The following THSD7B variants were observed in gnomAD, a reference collection of about 807,000 sequenced individuals.
THSD7B encodes thrombospondin type-1 domain-containing protein 7B.
A neutral mutation model predicts 213.6 loss-of-function variants in THSD7B; 138 were observed. The observed-to-expected ratio is 0.65, with a 90% CI of 0.56 to 0.74. The LOEUF (loss-of-function observed/expected upper bound fraction) is 0.74, where lower values mean the gene tolerates loss of function less well. Ranked by LOEUF, THSD7B falls within the 30% of genes least tolerant of loss-of-function variation. The pLI is 0.00. For missense variants in THSD7B, 1,931 were observed against 1,991.5 expected, an observed-to-expected ratio of 0.97 and a Z score of 0.58; for synonymous variants, 742 against 687.0, an observed-to-expected ratio of 1.08 and a Z score of -1.25.
chr2:137,274,255 G>T (rs1682819027), intron 11 of THSD7B, among the ~76,000 whole-genome samples: 1 of 152,038 alleles, frequency 6.6e-6, no homozygotes, highest in African/African-American at 2.4e-5. Flanking sequence ...GGTATGTTAG[G>T]GAGGAAGTTG....
At chr2:136,795,366 T>C (rs1682042831) in intron 1 of THSD7B, among the ~76,000 whole-genome samples, 1 of 152,036 alleles carries the variant, frequency 6.6e-6, no homozygotes, top group South Asian at 2.1e-4. Context: ...ATGCTGACTC[T>C]CTTGCATTCC....
chr2:137,638,405 C>A (rs1012210872), intron 20 of THSD7B, among the ~76,000 whole-genome samples: 1 of 152,162 alleles, frequency 6.6e-6, no homozygotes, highest in Non-Finnish European at 1.5e-5. Context: ...GTAAGAAGTG[C>A]CTTTCACCTC....
In THSD7B at chr2:137,146,598, A is replaced by T. The variant is rs16838245; in HGVS notation, c.1370-13615A>T. Among the ~76,000 whole-genome samples, 1,055 of 152,278 alleles carry T rather than the reference A, an allele frequency of 6.9e-3. 9 individuals are homozygous for T. Among genetic ancestry groups the T allele is most frequent in the African/African-American group, 0.024 (998 of 41,574 alleles). On this transcript the variant is annotated intron_variant, in intron 5 of 27. Transcript: ENST00000409968. ...TTGCTTAGTACATCAATTGTTCAAT[A>T]TGTGATCTAGTCCAAGCATTCTCAG...
intron 15 of THSD7B, among the ~76,000 whole-genome samples, chr2:137,553,493 A>G (rs939846836): frequency 1.3e-5 from 2 of 152,154 alleles, no homozygotes; most frequent in African/African-American, 4.8e-5. Context: ...TAAATATTAA[A>G]AGACTGACTC....
intron 14 of THSD7B, among the ~76,000 whole-genome samples, chr2:137,414,774 G>C (rs1379339574): frequency 6.6e-6 from 1 of 151,918 alleles, no homozygotes; most frequent in Non-Finnish European, 1.5e-5. Flanking sequence ...TTATATTATA[G>C]GTTAGGTGCA....
At chr2:137,141,324 AATTT>A (rs1486373154) in intron 5 of THSD7B, among the ~76,000 whole-genome samples, 1 of 152,116 alleles carries the variant, frequency 6.6e-6, no homozygotes, top group Non-Finnish European at 1.5e-5. Flanking sequence ...TTCTGTAGAG[AATTT>A]ATAACAAAAC....
At chr2:136,801,250 A>C (rs1682173444) in intron 1 of THSD7B, among the ~76,000 whole-genome samples, 1 of 152,114 alleles carries the variant, frequency 6.6e-6, no homozygotes, top group Non-Finnish European at 1.5e-5. Context: ...TTTCTGTTAA[A>C]ATTTCTCACT....
intron 12 of THSD7B, among the ~76,000 whole-genome samples, chr2:137,387,660 A>G (rs1173669742): frequency 5.3e-5 from 8 of 152,170 alleles, no homozygotes; most frequent in Non-Finnish European, 8.8e-5. Flanking sequence ...GAACCAAAAA[A>G]GAAATATTTT....
chr2:137,249,805 T>C (rs1349899055), intron 10 of THSD7B, among the ~76,000 whole-genome samples: 1 of 152,240 alleles, frequency 6.6e-6, no homozygotes, highest in Non-Finnish European at 1.5e-5. Context: ...GCTACATCCA[T>C]AGGCACAGAT....
intron 1 of THSD7B, among the ~76,000 whole-genome samples, chr2:136,838,966 T>C (rs1220863417): frequency 6.6e-6 from 1 of 152,218 alleles, no homozygotes; most frequent in Non-Finnish European, 1.5e-5. Context: ...AAGGAGGATA[T>C]TAGGACCTCT....
Position 137,586,298 on chromosome 2 carries a change from G to T in THSD7B, c.3423+13742G>T, listed in dbSNP as rs1300475412. Among the ~76,000 whole-genome samples the T allele has an allele frequency of 2.6e-5, 4 of 152,246 alleles. No individual in the cohort carries two copies. The East Asian group carries it at 7.7e-4, about 29-fold the overall frequency. Reference sequence around the variant, plus strand: ...TCTTGACACTTTATCCAATTTGCCAGTCTGTGTCTTTTAACTGGAGTATTT... The same window carrying T: ...TCTTGACACTTTATCCAATTTGCCATTCTGTGTCTTTTAACTGGAGTATTT... On this transcript the variant is annotated intron_variant, in intron 17 of 27. Coordinates refer to ENST00000409968, the MANE Select transcript of THSD7B (RefSeq NM_001316349.2).
intron 15 of THSD7B, among the ~76,000 whole-genome samples, chr2:137,459,329 A>G (rs1014059781): frequency 6.6e-6 from 1 of 152,194 alleles, no homozygotes; most frequent in Non-Finnish European, 1.5e-5. Context: ...GCAGAAAAAC[A>G]TTTGTTAAAA....
At chr2:137,211,365 C>CACACACACACAGA (rs11274625) in intron 7 of THSD7B, among the ~76,000 whole-genome samples, 1 of 89,484 alleles carries the variant, frequency 1.1e-5, no homozygotes, top group Non-Finnish European at 2.7e-5. Context: ...CACACACACA[C>CACACACACACAGA]GGAATATATT....
At chr2:137,131,206 A>G (rs538500928) in intron 5 of THSD7B, among the ~76,000 whole-genome samples, 2,886 of 147,292 alleles carry the variant, frequency 0.02, 106 homozygotes, top group African/African-American at 0.067. Flanking sequence ...CATGTCCTTC[A>G]CCCACTTTTT....
At chr2:137,299,538 A>G (rs942812750) in intron 12 of THSD7B, among the ~76,000 whole-genome samples, 6 of 152,046 alleles carry the variant, frequency 3.9e-5, no homozygotes, top group African/African-American at 1.4e-4. Context: ...TTCAACTTGA[A>G]TTTTATTTCC....
intron 1 of THSD7B, among the ~76,000 whole-genome samples, chr2:136,849,649 A>G (rs951291703): frequency 6.6e-6 from 1 of 152,116 alleles, no homozygotes; most frequent in Admixed American, 6.5e-5. Context: ...CAGTAAATAT[A>G]GCCTTGATCT....
intron 1 of THSD7B, among the ~76,000 whole-genome samples, chr2:136,829,987 A>G (rs1437628519): frequency 6.6e-6 from 1 of 152,012 alleles, no homozygotes; most frequent in East Asian, 1.9e-4. Context: ...TGGGTATTAT[A>G]GTCTGTAACT....
chr2:136,889,423 G>A (rs1401564075), intron 2 of THSD7B, among the ~76,000 whole-genome samples: 1 of 151,968 alleles, frequency 6.6e-6, no homozygotes, highest in African/African-American at 2.4e-5. Flanking sequence ...TGTTAGTTAA[G>A]GATTTATGTC....
At chr2:137,389,739 T>C (rs1685979059) in intron 12 of THSD7B, among the ~76,000 whole-genome samples, 1 of 152,086 alleles carries the variant, frequency 6.6e-6, no homozygotes. Context: ...TTGAGTTGCT[T>C]TTTGTACGTG....
Sources: allele counts gnomAD v4.1 joint callset (sites outside exome capture counted in the v4.1 genomes callset), GRCh38; gene constraint gnomAD v4.1.1; transcripts MANE v1.5; gene names NCBI Gene and HGNC (gene_info 2026-07-23, HGNC 2026-07-21).